Variants in IMMP2L observed in about 807,000 individuals in gnomAD.
IMMP2L encodes the protein mitochondrial inner membrane protease subunit 2.
A neutral mutation model predicts 19.3 loss-of-function variants in IMMP2L; 18 were observed. The ratio of observed to expected loss-of-function variants is 0.93; its 90% CI spans 0.64 to 1.38. IMMP2L has a LOEUF of 1.38. Ranked by LOEUF, IMMP2L falls within the 40% of genes most tolerant of loss-of-function variation. The pLI is 0.00. For synonymous variants in IMMP2L, 76 were observed against 73.0 expected (o/e 1.04, Z -0.21); for missense variants, 233 against 218.2 (o/e 1.07, Z -0.43).
intron 3 of IMMP2L, among the ~76,000 whole-genome samples, chr7:111,030,927 A>T (rs934038191): frequency 1.5e-5 from 2 of 137,782 alleles, no homozygotes; most frequent in South Asian, 4.7e-4. Flanking sequence ...TATATATATA[A>T]AATATATATA....
intron 3 of IMMP2L, among the ~76,000 whole-genome samples, chr7:111,444,957 C>A (rs1166052956): frequency 6.6e-6 from 1 of 151,896 alleles, no homozygotes; most frequent in Admixed American, 6.6e-5. Context: ...TTTCTTGTAA[C>A]AGTTATATAT....
chr7:111,364,195 A>G, intron 3 of IMMP2L, among the ~76,000 whole-genome samples: 1 of 152,164 alleles, frequency 6.6e-6, no homozygotes, highest in East Asian at 1.9e-4. Flanking sequence ...TTAAAAGTCA[A>G]ATTGAATAAA....
chr7:111,038,678 G>C (rs988514754), intron 3 of IMMP2L, among the ~76,000 whole-genome samples: 1 of 152,040 alleles, frequency 6.6e-6, no homozygotes, highest in Non-Finnish European at 1.5e-5. Flanking sequence ...AGAAAAGGGA[G>C]TACATTGTTT....
chr7:111,314,057 T>C (rs558722428), intron 3 of IMMP2L, among the ~76,000 whole-genome samples: 1 of 152,178 alleles, frequency 6.6e-6, no homozygotes, highest in East Asian at 1.9e-4. Context: ...GAGTAAAAGC[T>C]CCCTGAGGCC....
At chr7:111,540,685 A>AC (rs1159984380) in intron 1 of IMMP2L, among the ~76,000 whole-genome samples, 2 of 152,196 alleles carry the variant, frequency 1.3e-5, no homozygotes, top group African/African-American at 4.8e-5. Flanking sequence ...TAAAGGGTAT[A>AC]CATAGGTCAT....
intron 4 of IMMP2L, among the ~76,000 whole-genome samples, chr7:110,921,187 T>C (rs759616622): frequency 6.6e-6 from 1 of 152,216 alleles, no homozygotes; most frequent in Non-Finnish European, 1.5e-5. Flanking sequence ...TAACATTGGC[T>C]GAACTCTGAC....
chr7:111,111,411 A>C lies in IMMP2L; in HGVS notation c.240-147846T>G, dbSNP rs539315319. ...ATTACACTGCTTTCCATCCCCCCCCAAAAAAAAATGGCCCGTTAGTATTTT... is the reference window on the plus strand; with the variant it reads ...ATTACACTGCTTTCCATCCCCCCCCCAAAAAAAATGGCCCGTTAGTATTTT... On this transcript the variant is annotated intron_variant, in intron 3 of 5. Transcript: ENST00000405709. 6.4e-3 allele frequency among the ~76,000 whole-genome samples: 915 copies of C among 142,712 alleles called. 2 individuals carry two copies. The highest frequency in any genetic ancestry group is 7.8e-3 in the Non-Finnish European group (505 of 65,144). 93.6% of individuals were successfully genotyped at this position (142,712 alleles called of 152,430 possible).
chr7:110,889,289 A>G (rs1810542297), intron 4 of IMMP2L, among the ~76,000 whole-genome samples: 1 of 152,192 alleles, frequency 6.6e-6, no homozygotes, highest in African/African-American at 2.4e-5. Flanking sequence ...TAATGAATCA[A>G]TTATACAACT....
chr7:111,435,203 A>G (rs1288330712), intron 3 of IMMP2L, among the ~76,000 whole-genome samples: 1 of 151,902 alleles, frequency 6.6e-6, no homozygotes, highest in African/African-American at 2.4e-5. Context: ...AAGGGAAGAA[A>G]TCATCATATT....
chr7:110,946,774 G>A (rs943920006), intron 4 of IMMP2L, among the ~76,000 whole-genome samples: 86 of 139,052 alleles, frequency 6.2e-4, no homozygotes, highest in Admixed American at 1.6e-3. Context: ...AGGCTGGAGT[G>A]CAGTGGCGCA....
At chr7:111,303,227 G>A (rs980897173) in intron 3 of IMMP2L, among the ~76,000 whole-genome samples, 1 of 151,976 alleles carries the variant, frequency 6.6e-6, no homozygotes, top group Non-Finnish European at 1.5e-5. Flanking sequence ...AATCTGAAAA[G>A]TTAAAATAGC....
chr7:110,693,699 C>T (rs1793670046), intron 5 of IMMP2L, among the ~76,000 whole-genome samples: 1 of 152,088 alleles, frequency 6.6e-6, no homozygotes. Flanking sequence ...TCCATAGACA[C>T]CAGAAAATAA....
chr7:111,229,002 TGTG>T (rs1262839136), intron 3 of IMMP2L, among the ~76,000 whole-genome samples: 1 of 149,396 alleles, frequency 6.7e-6, no homozygotes, highest in African/African-American at 2.5e-5. Flanking sequence ...TGTGTGTGTG[TGTG>T]TATCAGCCCG....
chr7:110,689,307 C>T (rs1176837353), intron 5 of IMMP2L, among the ~76,000 whole-genome samples: 1 of 152,054 alleles, frequency 6.6e-6, no homozygotes, highest in Non-Finnish European at 1.5e-5. Flanking sequence ...TTAAAAGGAG[C>T]AAAGAGATGA....
intron 3 of IMMP2L, among the ~76,000 whole-genome samples, chr7:111,240,965 T>G (rs1204757636): frequency 6.6e-6 from 1 of 151,782 alleles, no homozygotes; most frequent in Non-Finnish European, 1.5e-5. Flanking sequence ...CCACAGAGCA[T>G]CTAAAACTAC....
chr7:110,952,700 G>A (rs1383434632), intron 4 of IMMP2L, among the ~76,000 whole-genome samples: 1 of 152,150 alleles, frequency 6.6e-6, no homozygotes, highest in Non-Finnish European at 1.5e-5. Context: ...GCTAGGCTCT[G>A]TGTTGAAGAG....
chr7:111,483,596 T>C (rs1032661361), intron 3 of IMMP2L: 1 of 152,066 alleles, frequency 6.6e-6, no homozygotes, highest in Non-Finnish European at 1.5e-5. Flanking sequence ...ATAAGAAAGA[T>C]ATGCAAAAAA....
At chr7:110,808,760 C>G (rs1346972749) in intron 5 of IMMP2L, among the ~76,000 whole-genome samples, 11 of 152,092 alleles carry the variant, frequency 7.2e-5, no homozygotes, top group Admixed American at 7.2e-4. Flanking sequence ...GGATGTTTAC[C>G]AGATAGTTTA....
intron 3 of IMMP2L, among the ~76,000 whole-genome samples, chr7:111,108,521 T>C (rs1234735098): frequency 5.9e-5 from 9 of 152,136 alleles, no homozygotes; most frequent in Non-Finnish European, 4.4e-5. Context: ...AAAAAAGATA[T>C]ACGAACAAAA....
Sources: gnomAD v4.1 joint callset for allele counts (sites outside exome capture counted in the v4.1 genomes callset) on GRCh38, gnomAD v4.1.1 for gene constraint, MANE v1.5 for transcripts, NCBI Gene and HGNC (gene_info 2026-07-23, HGNC 2026-07-21) for gene names.